PTPRZ1: variants seen among roughly 807,000 people sequenced by gnomAD.
PTPRZ1 encodes receptor-type tyrosine-protein phosphatase zeta.
Under a neutral mutation model 214.1 loss-of-function variants are expected in PTPRZ1, and 82 were observed. That is an observed-to-expected ratio of 0.38 (90% confidence interval 0.32 to 0.46). PTPRZ1 has a LOEUF of 0.46. Among genes scored for constraint, PTPRZ1 ranks in the 20% least tolerant of loss-of-function variants. The pLI is 1.00. For synonymous variants in PTPRZ1, 945 were observed against 987.9 expected (o/e 0.96, Z 0.81); for missense variants, 2,603 against 2,748.7 (o/e 0.95, Z 1.19).
intron 23 of PTPRZ1, among the ~76,000 whole-genome samples, chr7:122,047,676 T>G: frequency 1.4e-5 from 2 of 145,498 alleles, no homozygotes; most frequent in Admixed American, 7.0e-5. Flanking sequence ...TGAGACAGGG[T>G]CTCACTCTGT....
chr7:122,027,754 C>G (rs911162983), intron 13 of PTPRZ1, among the ~76,000 whole-genome samples: 2 of 152,066 alleles, frequency 1.3e-5, no homozygotes, highest in African/African-American at 4.8e-5. Context: ...TGTGCTCTTA[C>G]CAGATGCTAC....
chr7:122,038,919 A>C (rs1279460574), intron 19 of PTPRZ1, 30 bp downstream of exon 19: 3 of 1,608,738 alleles, frequency 1.9e-6, no homozygotes, highest in Non-Finnish European at 1.7e-6. Flanking sequence ...TGTCACCCCC[A>C]AAAAAGTAAT....
chr7:121,990,475 A>G (rs934593402), intron 8 of PTPRZ1, among the ~76,000 whole-genome samples: 2 of 150,072 alleles, frequency 1.3e-5, no homozygotes, highest in African/African-American at 4.9e-5. Flanking sequence ...AGAATTTAAT[A>G]GAACCATCTG....
intron 10 of PTPRZ1, among the ~76,000 whole-genome samples, chr7:121,999,774 T>G (rs1422406797): frequency 6.6e-6 from 1 of 152,192 alleles, no homozygotes; most frequent in African/African-American, 2.4e-5. Context: ...AGATTAAATA[T>G]GTATTTTCTC....
At chr7:121,944,626 G>A (rs1053214880) in intron 2 of PTPRZ1, among the ~76,000 whole-genome samples, 1 of 144,858 alleles carries the variant, frequency 6.9e-6, no homozygotes, top group Non-Finnish European at 1.5e-5. Flanking sequence ...AATTATTTTA[G>A]TGCCATACTT....
chr7:122,037,029 T>C (rs1799566751), intron 18 of PTPRZ1, among the ~76,000 whole-genome samples: 1 of 149,918 alleles, frequency 6.7e-6, no homozygotes, highest in Non-Finnish European at 1.5e-5. Context: ...TCCCAGAACT[T>C]TGGGAGGCTG....
At chr7:121,923,687 A>G (rs942098221) in intron 1 of PTPRZ1, among the ~76,000 whole-genome samples, 1 of 100,094 alleles carries the variant, frequency 1.0e-5, no homozygotes, top group Non-Finnish European at 1.9e-5. Flanking sequence ...CAGCACCCTG[A>G]TTTTAACTTG....
chr7:121,981,038 A>T (rs1797593832), intron 6 of PTPRZ1, among the ~76,000 whole-genome samples: 1 of 151,832 alleles, frequency 6.6e-6, no homozygotes, highest in Non-Finnish European at 1.5e-5. Context: ...GCTACTCGGG[A>T]GGCTGAGGCA....
rs553724896 is a variant in PTPRZ1, at chr7:122,057,947, A to AGT, written c.6529-832_6529-831dup. 6.4e-3 allele frequency among the ~76,000 whole-genome samples: 937 copies of AGT among 146,736 alleles called. 4 individuals are homozygous for AGT. Among genetic ancestry groups the AGT allele is most frequent in the South Asian group, 0.02 (94 of 4,694 alleles). ...GCAATATCAGTTCAGTCATTCATAT[A>AGT]GTGTGTGTGTGTGTGTGTGTGTATA... On this transcript the variant is annotated intron_variant, in intron 27 of 29. Transcript: ENST00000393386.
At chr7:121,946,814 T>C (rs1796391659) in intron 2 of PTPRZ1, among the ~76,000 whole-genome samples, 1 of 152,142 alleles carries the variant, frequency 6.6e-6, no homozygotes, top group African/African-American at 2.4e-5. Context: ...GAAAAGAGCA[T>C]ATTTTTTGTG....
intron 1 of PTPRZ1, among the ~76,000 whole-genome samples, chr7:121,875,480 A>G (rs1048480901): frequency 4.6e-5 from 7 of 152,132 alleles, no homozygotes; most frequent in African/African-American, 1.7e-4. Flanking sequence ...TTTGTAGCCT[A>G]TTTTTGGTTG....
At chr7:121,983,442 C>A (rs533968833) in intron 6 of PTPRZ1, among the ~76,000 whole-genome samples, 1 of 152,222 alleles carries the variant, frequency 6.6e-6, no homozygotes, top group Admixed American at 6.5e-5. Flanking sequence ...TTCTGTTCAC[C>A]ATCTTGATGT....
intron 2 of PTPRZ1, among the ~76,000 whole-genome samples, chr7:121,940,376 A>G (rs1796205521): frequency 6.6e-6 from 1 of 152,200 alleles, no homozygotes; most frequent in African/African-American, 2.4e-5. Flanking sequence ...ACATTGTCAC[A>G]CATAGTTCTG....
chr7:122,051,915 C>T lies in PTPRZ1; in HGVS notation c.6228C>T (p.Asp2076=), dbSNP rs763652960. The T allele has an allele frequency of 6.8e-6, 11 of 1,611,032 alleles. No homozygotes were observed. Among genetic ancestry groups the T allele is most frequent in the Non-Finnish European group, 9.3e-6 (11 of 1,179,194 alleles). The change falls in exon 25 of 30, where the codon GAC becomes GAT. Residue 2076 remains aspartate, a synonymous_variant. Transcript: ENST00000393386. ...CATCCCTGAGTGGAGAAGGCACAGA[C>T]TACATCAATGCCTCCTATATCATGG... The part of the protein sequence containing the change: ...GISSLSGEGT[D]YINASYIMGY...
chr7:122,034,503 A>C (rs1799479434), intron 17 of PTPRZ1, 125 bp downstream of exon 17: 1 of 717,032 alleles, frequency 1.4e-6, no homozygotes, highest in African/African-American at 1.8e-5. Context: ...TTATCAGGGA[A>C]TAATAAGACT....
At chr7:121,950,206 A>T (rs909785040) in intron 2 of PTPRZ1, among the ~76,000 whole-genome samples, 1 of 152,184 alleles carries the variant, frequency 6.6e-6, no homozygotes, top group African/African-American at 2.4e-5. Context: ...CATGAGACTT[A>T]TTCACTATCA....
At chr7:121,963,817 C>G (rs996960059) in intron 2 of PTPRZ1, among the ~76,000 whole-genome samples, 1 of 152,100 alleles carries the variant, frequency 6.6e-6, no homozygotes, top group Non-Finnish European at 1.5e-5. Context: ...ACTTCCTTGA[C>G]TGCCTATCCT....
At chr7:121,989,920 G>A (rs1382758230) in intron 8 of PTPRZ1, among the ~76,000 whole-genome samples, 1 of 152,082 alleles carries the variant, frequency 6.6e-6, no homozygotes, top group Non-Finnish European at 1.5e-5. Context: ...ATCTTTCTCT[G>A]AAATTTTTTA....
intron 11 of PTPRZ1, 141 bp downstream of exon 11, chr7:122,004,801 A>G: frequency 2.0e-6 from 1 of 511,584 alleles, no homozygotes; most frequent in East Asian, 3.6e-5. Flanking sequence ...TAAGCTTTAT[A>G]TATAGATAGT....
Sources: gnomAD v4.1 joint callset for allele counts (sites outside exome capture counted in the v4.1 genomes callset) on GRCh38, gnomAD v4.1.1 for gene constraint, MANE v1.5 for transcripts, NCBI Gene and HGNC (gene_info 2026-07-23, HGNC 2026-07-21) for gene names.